Variants in GNG2 observed in about 807,000 individuals in gnomAD.
The protein encoded by GNG2 is G protein subunit gamma 2, also known as guanine nucleotide-binding protein G(I)/G(S)/G(O) subunit gamma-2.
A neutral mutation model predicts 5.5 loss-of-function variants in GNG2; 5 were observed. That is an observed-to-expected ratio of 0.91 (90% CI 0.48 to 1.92). GNG2 has a LOEUF of 1.92. GNG2 is among the 30% of genes most tolerant of loss of function. The pLI, the probability that GNG2 is intolerant of heterozygous loss-of-function variation, is 0.01. For synonymous variants in GNG2, 28 were observed against 32.0 expected (o/e 0.88, Z 0.42); for missense variants, 55 against 88.4 (o/e 0.62, Z 1.52).
At chr14:51,835,155 C>T (rs1440611830) in intron 2 of GNG2, among the ~76,000 whole-genome samples, 1 of 152,160 alleles carries the variant, frequency 6.6e-6, no homozygotes, top group Non-Finnish European at 1.5e-5. Flanking sequence ...GAATGGCCCC[C>T]AGCTCAGTTG....
chr14:51,887,852 G>A (rs929599729), intron 2 of GNG2, among the ~76,000 whole-genome samples: 2 of 152,190 alleles, frequency 1.3e-5, no homozygotes, highest in African/African-American at 4.8e-5. Flanking sequence ...CAGTAGTCAT[G>A]CAAATACCTT....
rs1265492209 is a variant in GNG2 at position 51,968,600 on chromosome 14, G to T, written c.*1913G>T. The T allele has an allele frequency of 6.6e-5, 10 of 151,966 alleles. No homozygotes were observed. Among genetic ancestry groups the T allele is most frequent in the Non-Finnish European group, 1.2e-4 (8 of 67,998 alleles). The allele number at this position is 151,966 out of a possible 1,614,324, so 9.4% of individuals were successfully genotyped here. On this transcript the variant is annotated 3_prime_UTR_variant, in exon 4 of 4. Transcript: ENST00000556766. Reference sequence around the variant, plus strand: ...TTCTGTTCTTCTGTTCAAATTGTGGGGTTTTTGTTACAGTTAGGACGCCCA... The same window carrying T: ...TTCTGTTCTTCTGTTCAAATTGTGGTGTTTTTGTTACAGTTAGGACGCCCA...
At chr14:51,876,797 A>T (rs1167767585) in intron 1 of GNG2, among the ~76,000 whole-genome samples, 1 of 151,920 alleles carries the variant, frequency 6.6e-6, no homozygotes, top group Non-Finnish European at 1.5e-5. Context: ...TGGCCCTAGA[A>T]CCCCTTGCGA....
At chr14:51,875,999 A>T (rs1883637746) in intron 1 of GNG2, among the ~76,000 whole-genome samples, 2 of 147,356 alleles carry the variant, frequency 1.4e-5, no homozygotes, top group South Asian at 4.3e-4. Flanking sequence ...GTACAGTAGC[A>T]TGATTATGGC....
intron 3 of GNG2, among the ~76,000 whole-genome samples, chr14:51,960,089 C>T (rs1411250966): frequency 2.6e-5 from 4 of 152,202 alleles, no homozygotes; most frequent in African/African-American, 9.6e-5. Context: ...CTTTCACTCC[C>T]CATATCTCTC....
intron 2 of GNG2, among the ~76,000 whole-genome samples, chr14:51,908,704 G>C (rs1053087761): frequency 1.3e-5 from 2 of 150,874 alleles, no homozygotes; most frequent in African/African-American, 4.9e-5. Flanking sequence ...TTAGTGGCTA[G>C]GATTACAGGC....
At chr14:51,930,672 A>G (rs1258458063) in intron 2 of GNG2, among the ~76,000 whole-genome samples, 1 of 152,214 alleles carries the variant, frequency 6.6e-6, no homozygotes, top group Non-Finnish European at 1.5e-5. Context: ...ATTGCTGTAA[A>G]GAAGTACATG....
intron 2 of GNG2, among the ~76,000 whole-genome samples, chr14:51,880,862 T>C (rs1198999841): frequency 6.7e-6 from 1 of 149,668 alleles, no homozygotes; most frequent in East Asian, 2.0e-4. Context: ...ATAATGACCA[T>C]ATCCCATAAT....
chr14:51,894,495 C>T (rs1429480314), intron 2 of GNG2, among the ~76,000 whole-genome samples: 2 of 152,070 alleles, frequency 1.3e-5, no homozygotes, highest in African/African-American at 4.8e-5. Context: ...AACTTTGCTA[C>T]AATGGATCAT....
intron 2 of GNG2, among the ~76,000 whole-genome samples, chr14:51,949,121 A>C (rs1304085862): frequency 1.6e-5 from 2 of 126,666 alleles, no homozygotes; most frequent in African/African-American, 4.0e-5. Flanking sequence ...ACTCCGTCTC[A>C]AAAAAAAAAA....
chr14:51,918,988 G>A (rs1886834858), intron 2 of GNG2, among the ~76,000 whole-genome samples: 1 of 152,044 alleles, frequency 6.6e-6, no homozygotes, highest in South Asian at 2.1e-4. Context: ...ACCACGCCAG[G>A]CTAATTTTGT....
Position 51,900,416 on chromosome 14 carries a change from A to G in GNG2, c.-30+22759A>G, listed in dbSNP as rs373855122. 2.2e-4 allele frequency among the ~76,000 whole-genome samples: 33 copies of G among 152,144 alleles called. 1 individual carries two copies. In the East Asian group the frequency reaches 4.6e-3, roughly 21 times the overall value. On this transcript the variant is annotated intron_variant, in intron 2 of 3. Transcript: ENST00000556766. ...AGGAATACACGAGACTGAATTATATATAATCAATGAAAGAAGAAATGTGGA... is the reference window on the plus strand; with the variant it reads ...AGGAATACACGAGACTGAATTATATGTAATCAATGAAAGAAGAAATGTGGA...
intron 2 of GNG2, among the ~76,000 whole-genome samples, chr14:51,828,229 G>A (rs1050301000): frequency 1.3e-5 from 2 of 152,204 alleles, no homozygotes; most frequent in Non-Finnish European, 2.9e-5. Context: ...AGGGACTGGG[G>A]AAGCCACCTC....
chr14:51,901,540 C>T (rs1239513517), intron 2 of GNG2, among the ~76,000 whole-genome samples: 1 of 152,076 alleles, frequency 6.6e-6, no homozygotes, highest in Non-Finnish European at 1.5e-5. Context: ...TATCATGCCA[C>T]CCATCAGTGA....
intron 2 of GNG2, among the ~76,000 whole-genome samples, chr14:51,832,172 C>T (rs1212327887): frequency 6.6e-6 from 1 of 151,702 alleles, no homozygotes; most frequent in African/African-American, 2.4e-5. Context: ...TTCAGCTACT[C>T]AGGGAGCTGT....
intron 2 of GNG2, among the ~76,000 whole-genome samples, chr14:51,944,840 G>GA (rs1418760777): frequency 6.6e-6 from 1 of 152,136 alleles, no homozygotes; most frequent in African/African-American, 2.4e-5. Context: ...TCAACGGAGT[G>GA]AAAAGACAGT....
chr14:51,930,422 G>A (rs1887588319), intron 2 of GNG2, among the ~76,000 whole-genome samples: 1 of 152,138 alleles, frequency 6.6e-6, no homozygotes, highest in Non-Finnish European at 1.5e-5. Flanking sequence ...GCGTGAAAAA[G>A]GACTTTGTTT....
chr14:51,954,751 G>A (rs1889182895), intron 3 of GNG2, among the ~76,000 whole-genome samples: 1 of 152,258 alleles, frequency 6.6e-6, no homozygotes, highest in East Asian at 1.9e-4. Context: ...TAGCTGCCAG[G>A]TCCATATAGC....
At chr14:51,846,768 G>A (rs1308884609) in intron 2 of GNG2, among the ~76,000 whole-genome samples, 3 of 152,234 alleles carry the variant, frequency 2.0e-5, no homozygotes, top group Admixed American at 2.0e-4. Context: ...TCCCTCCCAT[G>A]TGGGACAGGT....
Sources: allele counts gnomAD v4.1 joint callset (sites outside exome capture counted in the v4.1 genomes callset), GRCh38; gene constraint gnomAD v4.1.1; transcripts MANE v1.5; gene names NCBI Gene and HGNC (gene_info 2026-07-23, HGNC 2026-07-21).